The following BCAP31 variants were observed in gnomAD, a reference collection of about 807,000 sequenced individuals.
The protein encoded by BCAP31 is B cell receptor associated protein 31.
For synonymous variants in BCAP31, 75 were observed against 80.9 expected (o/e 0.93, Z 0.39); for missense variants, 124 against 193.0 (o/e 0.64, Z 2.12).
At chrX:153,710,336 G>C (rs1380472112) in intron 4 of BCAP31, among the ~76,000 whole-genome samples, 1 of 111,689 alleles carries the variant, frequency 9.0e-6, no homozygotes, top group Non-Finnish European at 1.9e-5. Flanking sequence ...GGTTGTGAGA[G>C]AGAGGCTTAG....
rs1166158868 is a variant in BCAP31 at position 153,716,098 on chromosome X, G to A, written c.194-409C>T. 2.8e-5 allele frequency among the ~76,000 whole-genome samples: 3 copies of A among 106,292 alleles called. No homozygotes were observed. In the Admixed American group the frequency reaches 3.0e-4, roughly 11 times the overall value. 92.3% of individuals were successfully genotyped at this position (106,292 alleles called of 115,157 possible). On this transcript the variant is annotated intron_variant, in intron 3 of 7. Coordinates refer to ENST00000345046, the MANE Select transcript of BCAP31 (RefSeq NM_001256447.2). Reference sequence around the variant, plus strand: ...AAAGAATCATTTGAACCCGGGAGGCGGAGGTTGCAGTGAGCCGAAATTGAG... The same window carrying A: ...AAAGAATCATTTGAACCCGGGAGGCAGAGGTTGCAGTGAGCCGAAATTGAG...
intron 1 of BCAP31, 95 bp downstream of exon 1, chrX:153,724,239 C>T: frequency 4.7e-6 from 1 of 211,842 alleles, no homozygotes; most frequent in Non-Finnish European, 8.7e-6. Flanking sequence ...CCCCGGCCCC[C>T]GGGCCTCCCC....
chrX:153,701,049 C>A, intron 7 of BCAP31, 74 bp from the exon 8 acceptor site: 2 of 946,801 alleles, frequency 2.1e-6, no homozygotes, highest in South Asian at 4.3e-5. Context: ...CAGCCCCATG[C>A]CCCAGAGGTC....
intron 1 of BCAP31, chrX:153,723,535 C>G (rs1569540568): frequency 8.6e-7 from 1 of 1,167,616 alleles, no homozygotes; most frequent in Non-Finnish European, 1.1e-6. Flanking sequence ...TGTGTCAACA[C>G]GTCCAGAGCG....
At chrX:153,718,383 T>C in intron 3 of BCAP31, among the ~76,000 whole-genome samples, 1 of 109,043 alleles carries the variant, frequency 9.2e-6, no homozygotes. Context: ...ATCCAAAGTA[T>C]TGGCTAGGCT....
chrX:153,720,945 C>G lies in BCAP31; in HGVS notation c.120G>C (p.Leu40=), dbSNP rs1177152841. 4 of 1,209,721 alleles carry G rather than the reference C, an allele frequency of 3.3e-6. No homozygotes were observed. The African/African-American group carries it at 7.0e-5, about 21-fold the overall frequency. ...KRWQKIFKSR[L]VELLVSYGNT... ...TGCCATAGGACACTAACAACTCCAC[C>G]AGCCGGGACTTGAAAATCTTCTGCC... The change falls in exon 3 of 8, where the codon CTG becomes CTC. Residue 40 remains leucine, a synonymous_variant. Coordinates refer to ENST00000345046, the MANE Select transcript of BCAP31 (RefSeq NM_001256447.2).
chrX:153,715,197 G>C (rs1407304743), intron 4 of BCAP31, among the ~76,000 whole-genome samples: 1 of 111,676 alleles, frequency 9.0e-6, no homozygotes, highest in Non-Finnish European at 1.9e-5. Context: ...TCGCTCCCTT[G>C]TGAGCTGGAC....
intron 4 of BCAP31, among the ~76,000 whole-genome samples, chrX:153,712,412 AAATAAATAAAT>A (rs2091598395): frequency 1.1e-5 from 1 of 88,884 alleles, no homozygotes; most frequent in Non-Finnish European, 2.0e-5. Context: ...CAAAAAAAAT[AAATAAATAAAT>A]AAATAAATAA....
At chrX:153,713,821 C>T (rs1281826412) in intron 4 of BCAP31, among the ~76,000 whole-genome samples, 4 of 108,695 alleles carry the variant, frequency 3.7e-5, no homozygotes, top group African/African-American at 1.0e-4. Context: ...CTTCTCCTCA[C>T]TTCTCCATGT....
chrX:153,713,272 A>T (rs990771246), intron 4 of BCAP31, among the ~76,000 whole-genome samples: 2 of 111,433 alleles, frequency 1.8e-5, no homozygotes, highest in Admixed American at 1.9e-4. Context: ...TCCACATGGC[A>T]GCCACTCATG....
chrX:153,721,321 A>T (rs1431873655), intron 2 of BCAP31, among the ~76,000 whole-genome samples: 1 of 107,901 alleles, frequency 9.3e-6, no homozygotes. Context: ...CTGTAATCCC[A>T]GCTACTCAGG....
rs2052133467 is a variant in BCAP31 at position 153,701,078 on chromosome X, T to C, written c.703-103A>G. Reference sequence around the variant, plus strand: ...AGAGGTCCACCTCGGTTCCCCTCTCTCCTAACAACAGCTATTCAAGTGAAC... The same window carrying C: ...AGAGGTCCACCTCGGTTCCCCTCTCCCCTAACAACAGCTATTCAAGTGAAC... On this transcript the variant is annotated intron_variant, in intron 7 of 7. Transcript: ENST00000345046. 5 of 723,238 alleles carry C rather than the reference T, an allele frequency of 6.9e-6. No individual in the cohort carries two copies. In the Admixed American group the frequency reaches 1.6e-4, roughly 23 times the overall value. 59.6% of individuals were successfully genotyped at this position (723,238 alleles called of 1,213,427 possible). A position where few individuals can be genotyped will look rare whatever the true frequency, so the allele number is the denominator to read the frequency against.
At chrX:153,710,798 CCTT>C (rs1404276848) in intron 4 of BCAP31, among the ~76,000 whole-genome samples, 1 of 111,803 alleles carries the variant, frequency 8.9e-6, no homozygotes, top group Non-Finnish European at 1.9e-5. Context: ...AAGCACCAGG[CCTT>C]CTCCAGAATG....
At chrX:153,714,618 TAG>T (rs1206551566) in intron 4 of BCAP31, among the ~76,000 whole-genome samples, 8 of 110,998 alleles carry the variant, frequency 7.2e-5, no homozygotes, top group African/African-American at 2.6e-4. Flanking sequence ...ACCAGGTGAC[TAG>T]AGAGCAAGAA....
intron 6 of BCAP31, 131 bp from the exon 7 acceptor site, chrX:153,702,238 C>T (rs2091523359): frequency 1.9e-6 from 1 of 528,669 alleles, no homozygotes; most frequent in African/African-American, 2.4e-5. Flanking sequence ...GAGGCTACTT[C>T]TCAAAATAAA....
intron 4 of BCAP31, among the ~76,000 whole-genome samples, chrX:153,710,688 T>C (rs1557049036): frequency 9.0e-6 from 1 of 111,339 alleles, no homozygotes; most frequent in African/African-American, 3.3e-5. Flanking sequence ...TGATGTTTCC[T>C]TTCAGGCCAG....
intron 4 of BCAP31, among the ~76,000 whole-genome samples, chrX:153,708,170 T>C (rs1222895957): frequency 1.8e-5 from 2 of 112,374 alleles, no homozygotes; most frequent in African/African-American, 6.5e-5. Flanking sequence ...GCTTTCTTGA[T>C]AGAATGTTGT....
intron 2 of BCAP31, 73 bp downstream of exon 2, chrX:153,723,080 G>GCA: frequency 8.7e-7 from 1 of 1,143,811 alleles, no homozygotes; most frequent in Non-Finnish European, 1.2e-6. Flanking sequence ...TCCACCAGCT[G>GCA]CACACACCAG....
rs146728218 is a variant in BCAP31, at chrX:153,722,860, G to A, written c.92+293C>T. ...CCCAGCACCCCGTGGACCAAGAGTG[G>A]GTGGGAGGGCATCATTTCCAGAACT... is the stretch of plus-strand genomic sequence containing the variant. On this transcript the variant is annotated intron_variant, in intron 2 of 7. Coordinates refer to ENST00000345046, the MANE Select transcript of BCAP31 (RefSeq NM_001256447.2). Among the ~76,000 whole-genome samples the A allele has an allele frequency of 0.023, 2,481 of 110,184 alleles. 34 individuals are homozygous for A. The highest frequency in any genetic ancestry group is 0.037 in the Non-Finnish European group (1,948 of 52,660).
Sources: allele counts gnomAD v4.1 joint callset (sites outside exome capture counted in the v4.1 genomes callset), GRCh38; gene constraint gnomAD v4.1.1; transcripts MANE v1.5; gene names NCBI Gene and HGNC (gene_info 2026-07-23, HGNC 2026-07-21).